CCDC171: variants seen among roughly 807,000 people sequenced by gnomAD.
CCDC171 encodes the protein coiled-coil domain-containing protein 171.
Under a neutral mutation model 168.2 loss-of-function variants are expected in CCDC171, and 177 were observed. That is an observed-to-expected ratio of 1.05 (90% CI 0.93 to 1.19). The LOEUF is 1.19. CCDC171 is among the 50% of genes most tolerant of loss of function. CCDC171 has a pLI of 0.00. For synonymous variants in CCDC171, 687 were observed against 540.8 expected (o/e 1.27, Z -3.75); for missense variants, 1,991 against 1,539.0 (o/e 1.29, Z -4.91).
Position 15,623,475 on chromosome 9 carries a change from G to GCACACACACACACACACACA in CCDC171, c.822+75_822+94dup, listed in dbSNP as rs1554714957. ...CAAACTTTCACATATGCGCGCGCGCGCACACACACACACACACACACACAC... is the reference window on the plus strand; with the variant it reads ...CAAACTTTCACATATGCGCGCGCGCGCACACACACACACACACACACACACACACACACACACACACACAC... On this transcript the variant is annotated intron_variant, in intron 7 of 25. Coordinates refer to ENST00000380701, the MANE Select transcript of CCDC171 (RefSeq NM_173550.4). 188 of 315,384 alleles carry GCACACACACACACACACACA rather than the reference G, an allele frequency of 6.0e-4. 3 individuals are homozygous for GCACACACACACACACACACA. Among genetic ancestry groups the GCACACACACACACACACACA allele is most frequent in the Middle Eastern group, 2.6e-3 (3 of 1,156 alleles). The allele number at this position is 315,384 out of a possible 1,614,324, so 19.5% of individuals were successfully genotyped here.
intron 24 of CCDC171, among the ~76,000 whole-genome samples, chr9:15,898,091 G>A (rs1273764273): frequency 1.3e-5 from 2 of 152,126 alleles, no homozygotes; most frequent in Non-Finnish European, 2.9e-5. Context: ...GAAAAAATAC[G>A]CAAAGCTTAT....
chr9:15,826,146 A>G (rs2060001636), intron 21 of CCDC171, among the ~76,000 whole-genome samples: 1 of 152,026 alleles, frequency 6.6e-6, no homozygotes, highest in African/African-American at 2.4e-5. Context: ...ATTTCTAAGA[A>G]TTGCTTTTAA....
At chr9:16,106,628 C>G in the CCDC171 span, among the ~76,000 whole-genome samples, 1 of 152,172 alleles carries the variant, frequency 6.6e-6, no homozygotes, top group Non-Finnish European at 1.5e-5. Flanking sequence ...CCTCAAACTC[C>G]TATTTCTTTA....
In CCDC171 at chr9:15,588,700, CT is replaced by C. The variant is rs71323963; in HGVS notation, c.353-2643del. On this transcript the variant is annotated intron_variant, in intron 4 of 25. Coordinates refer to ENST00000380701, the MANE Select transcript of CCDC171 (RefSeq NM_173550.4). Reference sequence around the variant, plus strand: ...CAACCAAGTTTTATGAAGATGCAGACTTTTTTTTTTTTTTTTTTTTTTTATG... The same window carrying C: ...CAACCAAGTTTTATGAAGATGCAGACTTTTTTTTTTTTTTTTTTTTTTATG... 737 of 124,086 alleles carry C rather than the reference CT, an allele frequency of 5.9e-3. 2 individuals carry two copies. The highest frequency in any genetic ancestry group is 8.8e-3 in the Non-Finnish European group (531 of 60,240). 7.7% of individuals were successfully genotyped at this position (124,086 alleles called of 1,614,324 possible).
intron 10 of CCDC171, among the ~76,000 whole-genome samples, chr9:15,690,192 G>A (rs2050691075): frequency 1.3e-5 from 2 of 152,164 alleles, no homozygotes; most frequent in Admixed American, 6.5e-5. Context: ...AATCTAGATT[G>A]TGGATATGCT....
chr9:15,608,920 G>A (rs1388627317), intron 6 of CCDC171, among the ~76,000 whole-genome samples: 6 of 117,732 alleles, frequency 5.1e-5, no homozygotes, highest in South Asian at 3.0e-4. Context: ...ATCACAGCCC[G>A]GGCTACAGAG....
intron 18 of CCDC171, 75 bp downstream of exon 18, chr9:15,745,706 T>C: frequency 1.2e-6 from 1 of 832,850 alleles, no homozygotes. Flanking sequence ...TGTCACAAAT[T>C]CTAATAAAAC....
chr9:15,811,093 G>T (rs546922568), intron 21 of CCDC171, among the ~76,000 whole-genome samples: 1 of 152,364 alleles, frequency 6.6e-6, no homozygotes, highest in African/African-American at 2.4e-5. Context: ...GGTGTCACGT[G>T]AAGTATCTAG....
chr9:15,648,166 A>T (rs2047200204), intron 7 of CCDC171, among the ~76,000 whole-genome samples: 1 of 152,228 alleles, frequency 6.6e-6, no homozygotes. Flanking sequence ...ATCTGAATAG[A>T]TGCAGAAAAG....
chr9:15,912,440 G>A (rs1201196206), intron 24 of CCDC171, among the ~76,000 whole-genome samples: 1 of 152,158 alleles, frequency 6.6e-6, no homozygotes, highest in African/African-American at 2.4e-5. Flanking sequence ...AGCTTAAGGA[G>A]TTTTGGGACT....
chr9:16,050,860 C>T (rs1047173284), intron 1 of CCDC171, among the ~76,000 whole-genome samples: 5 of 152,194 alleles, frequency 3.3e-5, no homozygotes, highest in Non-Finnish European at 5.9e-5. Flanking sequence ...TGAGGTTGTC[C>T]TTCCAGGTAT....
intron 18 of CCDC171, among the ~76,000 whole-genome samples, chr9:15,766,232 G>C (rs1020192598): frequency 6.6e-6 from 1 of 152,198 alleles, no homozygotes; most frequent in Non-Finnish European, 1.5e-5. Context: ...GCTGTCTCCT[G>C]TGCCGTGAGT....
chr9:15,702,393 C>T (rs145043779), intron 11 of CCDC171, among the ~76,000 whole-genome samples: 524 of 152,066 alleles, frequency 3.4e-3, no homozygotes, highest in African/African-American at 0.011. Context: ...TGAAAAAATC[C>T]TAGGGCCCTT....
intron 6 of CCDC171, among the ~76,000 whole-genome samples, chr9:15,600,938 G>T (rs1257463693): frequency 6.6e-6 from 1 of 152,212 alleles, no homozygotes; most frequent in African/African-American, 2.4e-5. Context: ...TCCGAGCCAA[G>T]CGCGGGATAC....
intron 3 of CCDC171, among the ~76,000 whole-genome samples, chr9:15,979,360 T>C (rs933098020): frequency 8.5e-5 from 13 of 152,208 alleles, no homozygotes; most frequent in Non-Finnish European, 1.8e-4. Flanking sequence ...ATACTTGTCA[T>C]GTTCCTGATC....
intron 21 of CCDC171, among the ~76,000 whole-genome samples, chr9:15,803,027 A>C (rs1488101744): frequency 2.6e-5 from 4 of 152,038 alleles, no homozygotes; most frequent in Non-Finnish European, 5.9e-5. Context: ...GCTTATTTTC[A>C]TATGTTTGTT....
Position 16,007,601 on chromosome 9 carries a change from AT to A in CCDC171, n.369-12984del, listed in dbSNP as rs1832744386. The stretch of plus-strand genomic sequence containing the variant: ...TAAGTCTTTAATCCATCTTGAATTA[AT>A]TTTAGTATAAGGTGTAAGGAAGGGA... On this transcript the variant is annotated intron_variant and non_coding_transcript_variant, in intron 3 of 9. Coordinates refer to the CCDC171 transcript ENST00000486641. Among the ~76,000 whole-genome samples, 4 of 152,170 alleles carry A rather than the reference AT, an allele frequency of 2.6e-5. No homozygotes were observed. The South Asian group carries it at 8.3e-4, about 31-fold the overall frequency.
chr9:15,831,282 A>G (rs1050694061), intron 21 of CCDC171, among the ~76,000 whole-genome samples: 4 of 152,080 alleles, frequency 2.6e-5, no homozygotes, highest in African/African-American at 9.7e-5. Flanking sequence ...CTTAATTTTT[A>G]TAAAAACAAA....
intron 3 of CCDC171, among the ~76,000 whole-genome samples, chr9:15,577,382 G>A (rs1038012618): frequency 2.0e-5 from 3 of 152,088 alleles, no homozygotes; most frequent in Non-Finnish European, 2.9e-5. Flanking sequence ...AGTTAAGTGC[G>A]TTCATTACTT....
Sources: gnomAD v4.1 joint callset for allele counts (sites outside exome capture counted in the v4.1 genomes callset) on GRCh38, gnomAD v4.1.1 for gene constraint, MANE v1.5 for transcripts, NCBI Gene and HGNC (gene_info 2026-07-23, HGNC 2026-07-21) for gene names.